The following PRPF8 variants were observed in gnomAD, a reference collection of about 807,000 sequenced individuals.
PRPF8 encodes pre-mRNA-processing-splicing factor 8.
Under a neutral mutation model 285.9 loss-of-function variants are expected in PRPF8, and 64 were observed. The ratio of observed to expected loss-of-function variants is 0.22; its 90% CI spans 0.18 to 0.28. PRPF8 has a LOEUF of 0.28. Ranked by LOEUF, PRPF8 falls within the 10% of genes least tolerant of loss-of-function variation. PRPF8 has a pLI of 1.00. For missense variants in PRPF8, 1,426 were observed against 3,026.7 expected, an observed-to-expected ratio of 0.47 and a Z score of 12.41; for synonymous variants, 1,325 against 1,118.2, an observed-to-expected ratio of 1.18 and a Z score of -3.69.
At position 1,679,170 on chromosome 17, in the gene PRPF8, A is replaced by G; in HGVS notation, c.1446T>C (p.Phe482=). The G allele has an allele frequency of 2.5e-6, 4 of 1,614,216 alleles. No homozygotes were observed. Among genetic ancestry groups the G allele is most frequent in the Non-Finnish European group, 3.4e-6 (4 of 1,180,026 alleles). The part of the protein sequence containing the change: ...LFRSFKATKF[F]QSTKLDWVEV... ...CCACCCAGTCCAGCTTTGTGGACTG[A>G]AAGAATTTGGTGGCTTTGAAGGAGC... The change falls in exon 11 of 43, where the codon TTT becomes TTC. Residue 482 remains phenylalanine, a synonymous_variant. Coordinates refer to ENST00000304992, the MANE Select transcript of PRPF8 (RefSeq NM_006445.4). This position sits in a 1 kb window ranked among gnomAD's most constrained non-coding sequence, Gnocchi z 4.7.
rs1434082629 is a variant in PRPF8 at position 1,651,363 on chromosome 17, G to A, written c.6650+51C>T. On this transcript the variant is annotated intron_variant, in intron 41 of 42. Coordinates refer to ENST00000304992, the MANE Select transcript of PRPF8 (RefSeq NM_006445.4). The surrounding 1 kb of genome is among the most constrained non-coding windows in gnomAD (Gnocchi z 5.1). ...AGCTCAGGCCACTGTTCTGGGCCCT[G>A]GCCTGCAATCCCTGCCCCACCATAC... 2 of 1,613,914 alleles carry A rather than the reference G, an allele frequency of 1.2e-6. No individual in the cohort carries two copies. Among genetic ancestry groups the A allele is most frequent in the African/African-American group, 2.7e-5 (2 of 74,892 alleles).
intron 37 of PRPF8, chr17:1,655,120 G>C: frequency 1.9e-6 from 1 of 536,158 alleles, no homozygotes; most frequent in South Asian, 2.0e-5. Flanking sequence ...ATCGCACCCG[G>C]CTAACTTTTG....
At chr17:1,672,962 A>T in intron 24 of PRPF8, 119 bp downstream of exon 24, 1 of 926,796 alleles carries the variant, frequency 1.1e-6, no homozygotes, top group South Asian at 1.3e-5. Context: ...GAGCATGGAA[A>T]CTGGCACACT....
rs757567775 is a variant in PRPF8, at chr17:1,681,678, G to A, written c.666C>T (p.Gly222=). The part of the protein sequence containing the change: ...PLRDSRKYVN[G]STYQRWQFTL... ...TGAACTGCCAGCGCTGGTAAGTGGA[G>A]CCATTTACATACCTAGGTAAAAAAT... The change falls in exon 6 of 43, where the codon GGC becomes GGT. Residue 222 remains glycine, a synonymous_variant. Transcript: ENST00000304992. 7 of 1,613,962 alleles carry A rather than the reference G, an allele frequency of 4.3e-6. No homozygotes were observed. The highest frequency in any genetic ancestry group is 1.7e-5 in the Admixed American group (1 of 59,992).
chr17:1,681,048 T>C lies in PRPF8; in HGVS notation c.873A>G (p.Glu291=). 6.2e-7 allele frequency: 1 copy of C among 1,613,558 alleles called. No individual in the cohort carries two copies. The highest frequency in any genetic ancestry group is 8.5e-7 in the Non-Finnish European group (1 of 1,179,604). Residue 291 remains glutamate, a synonymous_variant, in exon 7 of 43, where the codon GAA becomes GAG. Coordinates refer to ENST00000304992, the MANE Select transcript of PRPF8 (RefSeq NM_006445.4). ...TAATATCATTGAATTCATTCCAGTC[T>C]TCATCCCTAGGGTACAACATCAAGA... ...PLVRDINLQD[E]DWNEFNDINK...
chr17:1,671,016 G>A (rs1438674674), intron 24 of PRPF8, among the ~76,000 whole-genome samples: 1 of 151,684 alleles, frequency 6.6e-6, no homozygotes. Flanking sequence ...TAAGGTGTGC[G>A]ATGCCCTCCA....
chr17:1,674,485 G>A lies in PRPF8; in HGVS notation c.3256C>T (p.Arg1086Cys). The A allele has an allele frequency of 1.2e-6, 2 of 1,614,144 alleles. No individual in the cohort carries two copies. Among genetic ancestry groups the A allele is most frequent in the Non-Finnish European group, 1.7e-6 (2 of 1,180,020 alleles). ...DIATEAAHPI[R>C]LFCRYIDRIH... ...CGATCAATGTATCTGCAGAAGAGAC[G>A]GATGGGGTGGGCAGCCTCAGTGGCT... Residue 1086 changes from arginine (R) to cysteine (C), a missense_variant, in exon 21 of 43, where the codon CGT becomes TGT. By Grantham distance (180) the Arg-to-Cys change is radical. Transcript: ENST00000304992.
Position 1,658,120 on chromosome 17 carries a change from A to C in PRPF8, c.5505+133T>G. 1 of 1,350,492 alleles carries C rather than the reference A, an allele frequency of 7.4e-7. No homozygotes were observed. The allele number at this position is 1,350,492 out of a possible 1,614,324, so 83.7% of individuals were successfully genotyped here. ...TGGACCTCCCACAGAATACTTCCCA[A>C]GGTATTTTGGGGATAAGTTCAAATG... On this transcript the variant is annotated intron_variant, in intron 34 of 42. Coordinates refer to ENST00000304992, the MANE Select transcript of PRPF8 (RefSeq NM_006445.4). This position sits in a 1 kb window ranked among gnomAD's most constrained non-coding sequence, Gnocchi z 4.1.
chr17:1,675,287 G>A lies in PRPF8; in HGVS notation c.2925C>T (p.Val975=), dbSNP rs991579586. Residue 975 remains valine (V), a synonymous_variant, in exon 20 of 43, where the codon GTC becomes GTT. Coordinates refer to ENST00000304992, the MANE Select transcript of PRPF8 (RefSeq NM_006445.4). This position sits in a 1 kb window ranked among gnomAD's most constrained non-coding sequence, Gnocchi z 6.0. ...VWETSEGECN[V]MLESRFEKMY... is the part of the protein sequence containing the mutation. ...TCTTCTCAAAGCGGGATTCCAGCAT[G>A]ACATTGCACTCGCCTTCACTCGTCT... 6.2e-7 allele frequency: 1 copy of A among 1,614,198 alleles called. No homozygotes were observed. Among genetic ancestry groups the A allele is most frequent in the Non-Finnish European group, 8.5e-7 (1 of 1,180,046 alleles).
intron 13 of PRPF8, 113 bp from the exon 14 acceptor site, chr17:1,677,807 G>C (rs1315492636): frequency 4.3e-6 from 6 of 1,384,532 alleles, no homozygotes; most frequent in Non-Finnish European, 6.1e-6. Context: ...AGGAATGTAG[G>C]TATGGCAGTA....
chr17:1,680,982 C>T lies in PRPF8; in HGVS notation c.939G>A (p.Lys313=). ...TGTTGTACAAGTAAGGAAAAGCAAT[C>T]TTGTACTCAGTGCGGATAGGCTGCC... ...IIRQPIRTEY[K]IAFPYLYNNL... Residue 313 remains lysine, a synonymous_variant, in exon 7 of 43, where the codon AAG becomes AAA. Transcript: ENST00000304992. 1 of 1,613,716 alleles carries T rather than the reference C, an allele frequency of 6.2e-7. No homozygotes were observed. Among genetic ancestry groups the T allele is most frequent in the Non-Finnish European group, 8.5e-7 (1 of 1,179,660 alleles).
At chr17:1,664,024 C>T (rs1911819048) in intron 24 of PRPF8, among the ~76,000 whole-genome samples, 1 of 152,110 alleles carries the variant, frequency 6.6e-6, no homozygotes. Context: ...AAACTCACAG[C>T]TGTAGTTGGA....
chr17:1,661,104 T>C lies in PRPF8; in HGVS notation c.4397A>G (p.Asn1466Ser). ...THQRHDGKLWNLNNYRTDMIQ... is the reference protein window; with the variant it reads ...THQRHDGKLWSLNNYRTDMIQ... The stretch of plus-strand genomic sequence containing the variant: ...CATGTCTGTACGGTAGTTGTTCAGG[T>C]TCCAGAGCTTCCCATCATGCCGCTG... The change falls in exon 28 of 43, where the codon AAC (asparagine) becomes AGC (serine). Residue 1466 changes from asparagine to serine, a missense_variant. Coordinates refer to ENST00000304992, the MANE Select transcript of PRPF8 (RefSeq NM_006445.4). This position sits in a 1 kb window ranked among gnomAD's most constrained non-coding sequence, Gnocchi z 7.3. The C allele has an allele frequency of 6.2e-7, 1 of 1,614,198 alleles. No individual in the cohort carries two copies. The highest frequency in any genetic ancestry group is 8.5e-7 in the Non-Finnish European group (1 of 1,180,030).
In PRPF8 at chr17:1,673,431, G is replaced by A. The variant is rs1343543361; in HGVS notation, c.3583C>T (p.Arg1195Cys). The A allele has an allele frequency of 3.1e-6, 5 of 1,613,994 alleles. No homozygotes were observed. Among genetic ancestry groups the A allele is most frequent in the South Asian group, 1.1e-5 (1 of 91,074 alleles). Residue 1195 changes from arginine (R) to cysteine (C), a missense_variant, in exon 23 of 43, where the codon CGC becomes TGC. Arg to Cys is a radical substitution (Grantham distance 180). Coordinates refer to ENST00000304992, the MANE Select transcript of PRPF8 (RefSeq NM_006445.4). The surrounding 1 kb of genome is among the most constrained non-coding windows in gnomAD (Gnocchi z 5.5). ...CTGGTGCGGCACTTAGGCAGGATGC[G>A]GCACTCGAAGCCACACATGTTGAAC... ...LLFNMCGFEC[R>C]ILPKCRTSYE...
chr17:1,655,659 C>A (rs1174508126), intron 36 of PRPF8, 116 bp from the exon 37 acceptor site: 2 of 899,682 alleles, frequency 2.2e-6, no homozygotes, highest in Admixed American at 4.0e-5. Flanking sequence ...CAGAGTCTTG[C>A]TCTGTCGCCC....
Position 1,658,307 on chromosome 17 carries a change from C to G in PRPF8, c.5451G>C (p.Leu1817=), listed in dbSNP as rs1270392154. 7 of 1,614,108 alleles carry G rather than the reference C, an allele frequency of 4.3e-6. No individual in the cohort carries two copies. The African/African-American group carries it at 8.0e-5, about 18-fold the overall frequency. Residue 1817 remains leucine, a synonymous_variant, in exon 34 of 43, where the codon CTG becomes CTC. Coordinates refer to ENST00000304992, the MANE Select transcript of PRPF8 (RefSeq NM_006445.4). The surrounding 1 kb of genome is among the most constrained non-coding windows in gnomAD (Gnocchi z 4.1). ...IFIFNPRTGQ[L]FLKIIHTSVW... is the part of the protein sequence containing the mutation. ...CGGACGTGTGGATTATCTTGAGGAA[C>G]AGCTGCCCTGTGCGTGGGTTGAAGA...
In PRPF8 at chr17:1,659,694, G is replaced by T; in HGVS notation, c.4947-146C>A. Reference sequence around the variant, plus strand: ...AGGACCCCAGAGAATCAGCAGATCTGACTAAGGGTGTTGACAGGCTCCAAG... The same window carrying T: ...AGGACCCCAGAGAATCAGCAGATCTTACTAAGGGTGTTGACAGGCTCCAAG... On this transcript the variant is annotated intron_variant, in intron 31 of 42. Coordinates refer to ENST00000304992, the MANE Select transcript of PRPF8 (RefSeq NM_006445.4). This position sits in a 1 kb window ranked among gnomAD's most constrained non-coding sequence, Gnocchi z 5.1. The T allele has an allele frequency of 7.4e-7, 1 of 1,348,808 alleles. No individual in the cohort carries two copies. The highest frequency in any genetic ancestry group is 1.2e-5 in the South Asian group (1 of 80,764). The allele number at this position is 1,348,808 out of a possible 1,614,324, so 83.6% of individuals were successfully genotyped here.
intron 24 of PRPF8, among the ~76,000 whole-genome samples, chr17:1,663,732 AAAAAAAAG>A (rs1216813131): frequency 1.9e-4 from 28 of 148,358 alleles, no homozygotes; most frequent in African/African-American, 5.9e-4. Flanking sequence ...AAAAAAAAAA[AAAAAAAAG>A]AGCCAACTAT....
At position 1,651,666 on chromosome 17, in the gene PRPF8, G is replaced by C; in HGVS notation, c.6492C>G (p.Pro2164=). ...HQTVHLPGQL[P]QHEYLKEMEP... is the part of the protein sequence containing the mutation. ...CCATTACCTTGAGGTACTCATGCTG[G>C]GGCAGCTGGCCAGGCAGGTGCACGG... is the stretch of plus-strand genomic sequence containing the variant. Residue 2164 remains proline (P), a synonymous_variant, in exon 40 of 43, where the codon CCC becomes CCG. Transcript: ENST00000304992. The surrounding 1 kb of genome is among the most constrained non-coding windows in gnomAD (Gnocchi z 5.1). 6.2e-7 allele frequency: 1 copy of C among 1,614,142 alleles called. No homozygotes were observed. The highest frequency in any genetic ancestry group is 8.5e-7 in the Non-Finnish European group (1 of 1,180,034).
Sources: allele counts gnomAD v4.1 joint callset (sites outside exome capture counted in the v4.1 genomes callset), GRCh38; gene constraint gnomAD v4.1.1; non-coding constraint Gnocchi (gnomAD v3.1); transcripts MANE v1.5; gene names NCBI Gene and HGNC (gene_info 2026-07-23, HGNC 2026-07-21).